HAO1: variants seen among roughly 807,000 people sequenced by gnomAD.
HAO1 encodes hydroxyacid oxidase 1.
Under a neutral mutation model 39.7 loss-of-function variants are expected in HAO1, and 34 were observed. That is an observed-to-expected ratio of 0.86 (90% CI 0.65 to 1.14). The LOEUF (loss-of-function observed/expected upper bound fraction) is 1.14. Ranked by LOEUF, HAO1 falls within the 50% of genes most tolerant of loss-of-function variation. The probability of loss-of-function intolerance (pLI) is 0.00; values close to 1 mark genes in which losing one functional copy is unlikely to be tolerated. For missense variants in HAO1, 479 were observed against 464.5 expected, an observed-to-expected ratio of 1.03 and a Z score of -0.29; for synonymous variants, 172 against 173.2, an observed-to-expected ratio of 0.99 and a Z score of 0.05.
Position 7,885,747 on chromosome 20 carries a change from C to A in HAO1, c.931G>T (p.Val311Leu), listed in dbSNP as rs139155033. The change falls in exon 6 of 8, where the codon GTG (valine) becomes TTG (leucine). Residue 311 changes from valine (V) to leucine (L), a missense_variant. By Grantham distance (32) the Val-to-Leu change is conservative (BLOSUM62 1). Coordinates refer to ENST00000378789, the MANE Select transcript of HAO1 (RefSeq NM_017545.3). ...CAAACGATTGGTCTCCCCACAAACA[C>A]AGCCTTGGCGCCAAGAGCCAGAGCT... ...LKALALGAKA[V>L]FVGRPIVWGL... 1 of 1,613,862 alleles carries A rather than the reference C, an allele frequency of 6.2e-7. No homozygotes were observed. The highest frequency in any genetic ancestry group is 2.2e-5 in the East Asian group (1 of 44,866).
intron 5 of HAO1, 120 bp downstream of exon 5, chr20:7,895,013 C>G: frequency 1.5e-6 from 1 of 685,806 alleles, no homozygotes. Context: ...CATATTTGCA[C>G]GTATTTCACC....
At chr20:7,901,140 G>C (rs567592852) in intron 4 of HAO1, among the ~76,000 whole-genome samples, 20 of 152,260 alleles carry the variant, frequency 1.3e-4, no homozygotes, top group African/African-American at 4.8e-4. Context: ...GATTCCTGAG[G>C]TTTAAAGGAA....
intron 2 of HAO1, among the ~76,000 whole-genome samples, chr20:7,932,275 C>A (rs2050389321): frequency 2.0e-5 from 3 of 152,154 alleles, no homozygotes; most frequent in Admixed American, 1.3e-4. Context: ...ATTACCCAGT[C>A]TCGAAGAGTA....
At chr20:7,927,174 A>G (rs2050363059) in intron 2 of HAO1, among the ~76,000 whole-genome samples, 1 of 152,126 alleles carries the variant, frequency 6.6e-6, no homozygotes. Context: ...TAAAGCACCA[A>G]ATGGTATAGT....
chr20:7,894,119 G>C (rs1194117940), intron 5 of HAO1, among the ~76,000 whole-genome samples: 1 of 152,164 alleles, frequency 6.6e-6, no homozygotes, highest in African/African-American at 2.4e-5. Context: ...GGAACCACTT[G>C]ATAGCACCCC....
rs969126020 is a variant in HAO1, at chr20:7,906,224, G to C, written c.651C>G (p.Ile217Met). 3.7e-6 allele frequency: 6 copies of C among 1,608,598 alleles called. No homozygotes were observed. The highest frequency in any genetic ancestry group is 5.1e-6 in the Non-Finnish European group (6 of 1,175,020). The change falls in exon 4 of 8, where the codon ATC (isoleucine) becomes ATG (methionine). Residue 217 changes from isoleucine (I) to methionine (M), a missense_variant. Physicochemically the swap from Ile to Met is conservative, Grantham distance 10. Transcript: ENST00000378789. ...AYVAKAIDPS[I>M]SWEDIKWLRR... ...TCAGCCATTTGATATCTTCCCAGCT[G>C]ATAGATGGGTCTATTGCTTTAGCCA... is the stretch of plus-strand genomic sequence containing the variant.
At chr20:7,887,188 C>T (rs1201494920) in intron 5 of HAO1, among the ~76,000 whole-genome samples, 4 of 152,182 alleles carry the variant, frequency 2.6e-5, no homozygotes, top group Non-Finnish European at 5.9e-5. Context: ...AGAATTAAAA[C>T]AATTTACAAG....
Position 7,906,335 on chromosome 20 carries a change from A to G in HAO1, c.546-6T>C. 6.5e-7 allele frequency: 1 copy of G among 1,535,180 alleles called. No individual in the cohort carries two copies. On this transcript the variant is annotated splice_region_variant and splice_polypyrimidine_tract_variant and intron_variant, in intron 3 of 7. Transcript: ENST00000378789. ...TGGTTTCAAAATTTTTCATCCTAAA[A>G]TAAGAAATGCATAAAATGAGAAATT...
At chr20:7,904,241 T>C (rs2050237310) in intron 4 of HAO1, among the ~76,000 whole-genome samples, 1 of 152,180 alleles carries the variant, frequency 6.6e-6, no homozygotes, top group Non-Finnish European at 1.5e-5. Context: ...GCCATTACTC[T>C]AGGTCATCTC....
intron 4 of HAO1, among the ~76,000 whole-genome samples, chr20:7,905,304 G>A (rs1189664024): frequency 6.6e-6 from 1 of 152,140 alleles, no homozygotes; most frequent in Non-Finnish European, 1.5e-5. Flanking sequence ...AATAGTCAAA[G>A]TAGGTAGACC....
At chr20:7,902,454 G>A (rs561092491) in intron 4 of HAO1, among the ~76,000 whole-genome samples, 5 of 152,216 alleles carry the variant, frequency 3.3e-5, no homozygotes, top group South Asian at 2.1e-4. Flanking sequence ...TAGGAGTAAC[G>A]TATTTTTTAA....
chr20:7,884,113 C>T (rs780911228), intron 7 of HAO1, among the ~76,000 whole-genome samples: 21 of 152,110 alleles, frequency 1.4e-4, no homozygotes, highest in Non-Finnish European at 2.4e-4. Context: ...TTCAAAAATG[C>T]GGTAGCTGAT....
chr20:7,896,975 T>TC, intron 4 of HAO1, among the ~76,000 whole-genome samples: 1 of 152,178 alleles, frequency 6.6e-6, no homozygotes, highest in African/African-American at 2.4e-5. Flanking sequence ...ATTTGGTTTA[T>TC]ATTCTCATTT....
chr20:7,931,094 T>C (rs1313735605), intron 2 of HAO1, among the ~76,000 whole-genome samples: 1 of 152,202 alleles, frequency 6.6e-6, no homozygotes, highest in Non-Finnish European at 1.5e-5. Flanking sequence ...GAGAGGTTTC[T>C]AGTATAAATA....
At chr20:7,914,577 T>C (rs2050297705) in intron 2 of HAO1, among the ~76,000 whole-genome samples, 158 bp from the exon 3 acceptor site, 1 of 152,214 alleles carries the variant, frequency 6.6e-6, no homozygotes, top group Non-Finnish European at 1.5e-5. Context: ...ATACCATCTA[T>C]TTCCTGATTC....
intron 4 of HAO1, among the ~76,000 whole-genome samples, chr20:7,899,568 A>G (rs916760183): frequency 6.6e-6 from 1 of 152,118 alleles, no homozygotes; most frequent in African/African-American, 2.4e-5. Context: ...TGGTTTTTAT[A>G]TTCTTCAGGT....
chr20:7,926,748 A>G (rs890427836), intron 2 of HAO1, among the ~76,000 whole-genome samples: 2 of 152,116 alleles, frequency 1.3e-5, no homozygotes, highest in Admixed American at 6.6e-5. Flanking sequence ...TCACTTTGGA[A>G]TGTTCTGGCC....
At position 7,918,221 on chromosome 20, in the gene HAO1, C is replaced by T. The variant is rs143919030; in HGVS notation, c.290-3802G>A. On this transcript the variant is annotated intron_variant, in intron 2 of 7. Transcript: ENST00000378789. ...TCCCCAGAACAAATATGAGTGATCA[C>T]TCTGATCTCAATCCACTTGTGACTA... is the stretch of plus-strand genomic sequence containing the variant. Among the ~76,000 whole-genome samples, 11 of 152,292 alleles carry T rather than the reference C, an allele frequency of 7.2e-5. No homozygotes were observed. In the East Asian group the frequency reaches 1.7e-3, roughly 24 times the overall value.
chr20:7,892,110 A>C (rs998572580), intron 5 of HAO1, among the ~76,000 whole-genome samples: 1 of 152,104 alleles, frequency 6.6e-6, no homozygotes, highest in Non-Finnish European at 1.5e-5. Flanking sequence ...TTTGAGACAG[A>C]GTCTCACTCT....
Sources: allele counts gnomAD v4.1 joint callset (sites outside exome capture counted in the v4.1 genomes callset), GRCh38; gene constraint gnomAD v4.1.1; transcripts MANE v1.5; gene names NCBI Gene and HGNC (gene_info 2026-07-23, HGNC 2026-07-21).